The following PRKN variants were observed in gnomAD, a reference collection of about 807,000 sequenced individuals.
The protein encoded by PRKN is parkin RBR E3 ubiquitin protein ligase.
A neutral mutation model predicts 59.5 loss-of-function variants in PRKN; 56 were observed. The ratio of observed to expected loss-of-function variants is 0.94; its 90% CI spans 0.76 to 1.18. The LOEUF (loss-of-function observed/expected upper bound fraction) is 1.18, where lower values mean the gene tolerates loss of function less well. PRKN is among the 50% of genes most tolerant of loss of function. The pLI is 0.00. For missense variants in PRKN, 657 were observed against 596.4 expected, an observed-to-expected ratio of 1.10 and a Z score of -1.06; for synonymous variants, 250 against 222.1, an observed-to-expected ratio of 1.13 and a Z score of -1.12.
rs942666358 is a variant in PRKN, at chr6:162,398,682, A to T, written c.171+44628T>A. ...TGGGATTACAGGCGTGAGGCACTCC[A>T]CCTGGGCCAGCCAGATCTTTTAACT... On this transcript the variant is annotated intron_variant, in intron 2 of 11. Coordinates refer to ENST00000366898, the MANE Select transcript of PRKN (RefSeq NM_004562.3). 2.6e-5 allele frequency among the ~76,000 whole-genome samples: 4 copies of T among 152,028 alleles called. No homozygotes were observed. In the East Asian group the frequency reaches 7.7e-4, roughly 29 times the overall value.
chr6:161,988,425 T>C (rs1781515767), intron 5 of PRKN, among the ~76,000 whole-genome samples: 1 of 150,918 alleles, frequency 6.6e-6, no homozygotes, highest in Admixed American at 6.6e-5. Context: ...GAGGCAGGGG[T>C]TGCATGAGGC....
At chr6:161,743,246 G>T (rs1406583989) in intron 7 of PRKN, among the ~76,000 whole-genome samples, 2 of 74,014 alleles carry the variant, frequency 2.7e-5, no homozygotes, top group East Asian at 3.8e-4. Flanking sequence ...TTTTGAGACG[G>T]AGTCTCTCTG....
intron 6 of PRKN, among the ~76,000 whole-genome samples, chr6:161,906,593 T>G (rs771739765): frequency 9.9e-5 from 15 of 150,846 alleles, no homozygotes; most frequent in Non-Finnish European, 2.1e-4. Flanking sequence ...CTTCTAGGGA[T>G]CAGGGTGAGT....
rs559048360 is a variant in PRKN at position 162,250,344 on chromosome 6, T to C, written c.412+12181A>G. Among the ~76,000 whole-genome samples, 238 of 152,262 alleles carry C rather than the reference T, an allele frequency of 1.6e-3. 1 individual carries two copies. Among genetic ancestry groups the C allele is most frequent in the African/African-American group, 5.3e-3 (221 of 41,552 alleles). ...GGCTGAGATACCTTGTACATTTTTG[T>C]TTGGTAAAGATTTCCATCCAGTGTA... On this transcript the variant is annotated intron_variant, in intron 3 of 11. Transcript: ENST00000366898.
chr6:162,086,910 G>A (rs1038948137), intron 4 of PRKN, among the ~76,000 whole-genome samples: 9 of 152,184 alleles, frequency 5.9e-5, no homozygotes, highest in African/African-American at 1.9e-4. Context: ...GAATGAAATT[G>A]CTGAAGAATT....
chr6:161,518,618 C>G lies in PRKN; in HGVS notation c.1083+30236G>C, dbSNP rs183164611. On this transcript the variant is annotated intron_variant, in intron 9 of 11. Coordinates refer to ENST00000366898, the MANE Select transcript of PRKN (RefSeq NM_004562.3). This position sits in a 1 kb window ranked among gnomAD's most constrained non-coding sequence, Gnocchi z 5.0. Reference sequence around the variant, plus strand: ...TTCAATGTTAATGCCACGGCCTCCCCCTAGCAGCACAAGCCCAGCCTCCGC... The same window carrying G: ...TTCAATGTTAATGCCACGGCCTCCCGCTAGCAGCACAAGCCCAGCCTCCGC... 3.3e-5 allele frequency among the ~76,000 whole-genome samples: 5 copies of G among 152,218 alleles called. No individual in the cohort carries two copies. Among genetic ancestry groups the G allele is most frequent in the South Asian group, 2.1e-4 (1 of 4,832 alleles).
chr6:162,011,247 A>AC (rs1782660888), intron 5 of PRKN, among the ~76,000 whole-genome samples: 1 of 108,310 alleles, frequency 9.2e-6, no homozygotes, highest in African/African-American at 3.6e-5. Flanking sequence ...TTTATAATAT[A>AC]TATAATATAG....
intron 1 of PRKN, among the ~76,000 whole-genome samples, chr6:162,591,368 A>G (rs1356491218): frequency 6.6e-6 from 1 of 152,140 alleles, no homozygotes; most frequent in African/African-American, 2.4e-5. Context: ...TTAAATTTAA[A>G]AAATTTTTCA....
At chr6:162,573,074 A>C (rs1780415560) in intron 1 of PRKN, among the ~76,000 whole-genome samples, 1 of 152,150 alleles carries the variant, frequency 6.6e-6, no homozygotes, top group South Asian at 2.1e-4. Flanking sequence ...TCATCTCTTA[A>C]TTTTATTTAC....
chr6:161,440,646 A>G lies in PRKN; in HGVS notation c.1084-53769T>C, dbSNP rs978114639. ...CAGGGAGGAAGTGAAGAGGTGAGGC[A>G]GTAAAAATTCATAACATATCTATCA... On this transcript the variant is annotated intron_variant, in intron 9 of 11. Coordinates refer to ENST00000366898, the MANE Select transcript of PRKN (RefSeq NM_004562.3). This position sits in a 1 kb window ranked among gnomAD's most constrained non-coding sequence, Gnocchi z 4.1. Among the ~76,000 whole-genome samples, 46 of 152,326 alleles carry G rather than the reference A, an allele frequency of 3.0e-4. No homozygotes were observed. The highest frequency in any genetic ancestry group is 1.1e-3 in the African/African-American group (44 of 41,578).
At chr6:162,239,260 C>G (rs1778882730) in intron 3 of PRKN, among the ~76,000 whole-genome samples, 1 of 152,074 alleles carries the variant, frequency 6.6e-6, no homozygotes, top group South Asian at 2.1e-4. Context: ...TGCAGGTTGG[C>G]CGACTCATCT....
At chr6:162,658,806 T>C (rs1366316637) in intron 1 of PRKN, among the ~76,000 whole-genome samples, 6 of 151,796 alleles carry the variant, frequency 4.0e-5, no homozygotes, top group Non-Finnish European at 8.8e-5. Flanking sequence ...GCCAATATCA[T>C]ATAAGTCATG....
intron 9 of PRKN, among the ~76,000 whole-genome samples, chr6:161,439,653 G>A (rs1278245884): frequency 1.3e-5 from 2 of 152,128 alleles, no homozygotes; most frequent in African/African-American, 2.4e-5. Context: ...AACTAAACCG[G>A]TTTGTGCCAA....
chr6:161,607,840 G>C (rs1338703980), intron 7 of PRKN, among the ~76,000 whole-genome samples: 1 of 152,200 alleles, frequency 6.6e-6, no homozygotes, highest in Non-Finnish European at 1.5e-5. Flanking sequence ...AATGAGGAAG[G>C]CCTGAGCCAA....
At chr6:161,601,311 A>T (rs1311235022) in intron 7 of PRKN, among the ~76,000 whole-genome samples, 1 of 152,120 alleles carries the variant, frequency 6.6e-6, no homozygotes, top group African/African-American at 2.4e-5. Flanking sequence ...CTTCTTCCCC[A>T]TTGGTAGTGC....
intron 7 of PRKN, 41 bp from the exon 8 acceptor site, chr6:161,569,457 C>T (rs1320195792): frequency 6.6e-7 from 1 of 1,525,616 alleles, no homozygotes. Flanking sequence ...GTCACTTTCA[C>T]TCTGTGTGGT....
intron 1 of PRKN, among the ~76,000 whole-genome samples, chr6:162,552,909 C>T (rs771312863): frequency 1.3e-5 from 2 of 152,082 alleles, no homozygotes; most frequent in Non-Finnish European, 2.9e-5. Context: ...TCAGAAGCCA[C>T]GAAAGCAGAG....
intron 1 of PRKN, among the ~76,000 whole-genome samples, chr6:162,564,317 C>T (rs895522719): frequency 6.6e-6 from 1 of 151,764 alleles, no homozygotes. Context: ...TGCACTCCAG[C>T]CTGGCAATAG....
intron 1 of PRKN, among the ~76,000 whole-genome samples, chr6:162,496,790 G>A (rs996029997): frequency 2.6e-5 from 4 of 152,152 alleles, no homozygotes; most frequent in Non-Finnish European, 5.9e-5. Flanking sequence ...CACTTTAGAC[G>A]CAATTGATAA....
Sources: gnomAD v4.1 joint callset for allele counts (sites outside exome capture counted in the v4.1 genomes callset) on GRCh38, gnomAD v4.1.1 for gene constraint, Gnocchi (gnomAD v3.1) non-coding constraint, MANE v1.5 for transcripts, NCBI Gene and HGNC (gene_info 2026-07-23, HGNC 2026-07-21) for gene names.